SEMA7A: variants seen among roughly 807,000 people sequenced by gnomAD.
SEMA7A encodes semaphorin-7A.
In SEMA7A, 21 loss-of-function variants were observed where a neutral mutation model predicts 67.5. That is an observed-to-expected ratio of 0.31 (90% CI 0.22 to 0.45). SEMA7A has a LOEUF of 0.45. Among genes scored for constraint, SEMA7A ranks in the 20% least tolerant of loss-of-function variants. The pLI is 1.00. For synonymous variants in SEMA7A, 364 were observed against 368.5 expected, an observed-to-expected ratio of 0.99 and a Z score of 0.14; for missense variants, 774 against 908.6, an observed-to-expected ratio of 0.85 and a Z score of 1.90.
rs28362911 is a variant in SEMA7A, at chr15:74,418,511, C to T, written c.331-202G>A. Among the ~76,000 whole-genome samples the T allele has an allele frequency of 6.6e-3, 1,005 of 152,320 alleles. 5 individuals are homozygous for T. The highest frequency in any genetic ancestry group is 0.023 in the African/African-American group (965 of 41,568). On this transcript the variant is annotated intron_variant, in intron 2 of 13. Transcript: ENST00000261918. ...ATCCAGAGCTGAGGCCCAGAGGGTTCAGAAGACCAGGCATGGGCTCTGGGG... is the reference window on the plus strand; with the variant it reads ...ATCCAGAGCTGAGGCCCAGAGGGTTTAGAAGACCAGGCATGGGCTCTGGGG...
chr15:74,426,996 T>A (rs900280292), intron 1 of SEMA7A, among the ~76,000 whole-genome samples: 2 of 152,198 alleles, frequency 1.3e-5, no homozygotes, highest in African/African-American at 4.8e-5. Flanking sequence ...CCATGGCTCA[T>A]TTCCATCTCT....
rs760102 is a variant in SEMA7A at position 74,411,057 on chromosome 15, G to C, written c.1640-72C>G. 2 of 1,539,530 alleles carry C rather than the reference G, an allele frequency of 1.3e-6. No individual in the cohort carries two copies. Among genetic ancestry groups the C allele is most frequent in the Non-Finnish European group, 1.7e-6 (2 of 1,144,946 alleles). ...CCAGGGGAGGATGTGTCCTCCCCACGGACTGGGATCCCAGGACAAGGCTTC... is the reference window on the plus strand; with the variant it reads ...CCAGGGGAGGATGTGTCCTCCCCACCGACTGGGATCCCAGGACAAGGCTTC... On this transcript the variant is annotated intron_variant, in intron 13 of 13. Coordinates refer to ENST00000261918, the MANE Select transcript of SEMA7A (RefSeq NM_003612.5). This position sits in a 1 kb window ranked among gnomAD's most constrained non-coding sequence, Gnocchi z 4.4.
rs1392839432 is a variant in SEMA7A at position 74,414,716 on chromosome 15, T to C, written c.1125A>G (p.Thr375=). 6.2e-7 allele frequency: 1 copy of C among 1,614,150 alleles called. No homozygotes were observed. The highest frequency in any genetic ancestry group is 1.7e-5 in the Admixed American group (1 of 60,022). ...GACGGTCAGCCACCTGGAAGGTCTC[T>C]GTGGGTATCGGCTGCTGGTCTGGGA... The part of the protein sequence containing the change: ...KCLPDQQPIP[T]ETFQVADRHP... The change falls in exon 10 of 14, where the codon ACA becomes ACG. Residue 375 remains threonine (T), a synonymous_variant. Coordinates refer to ENST00000261918, the MANE Select transcript of SEMA7A (RefSeq NM_003612.5). This position sits in a 1 kb window ranked among gnomAD's most constrained non-coding sequence, Gnocchi z 4.1.
Position 74,416,686 on chromosome 15 carries a change from C to T in SEMA7A, c.690G>A (p.Val230=), listed in dbSNP as rs1486970470. 2 of 1,614,004 alleles carry T rather than the reference C, an allele frequency of 1.2e-6. No homozygotes were observed. The highest frequency in any genetic ancestry group is 1.7e-6 in the Non-Finnish European group (2 of 1,180,000). The change falls in exon 7 of 14, where the codon GTG becomes GTA. Residue 230 remains valine, a synonymous_variant. Coordinates refer to ENST00000261918, the MANE Select transcript of SEMA7A (RefSeq NM_003612.5). ...QNPQFIKATI[V]HQDQAYDDKI... ...TGTCATCGTAAGCCTGGTCTTGGTG[C>T]ACGATGGTGGCTTTGATGAACTGTG...
intron 2 of SEMA7A, 32 bp downstream of exon 2, chr15:74,418,769 A>G (rs1567074514): frequency 1.2e-6 from 2 of 1,600,156 alleles, no homozygotes; most frequent in South Asian, 1.1e-5. Flanking sequence ...ATAAGAGGGT[A>G]GGGGGGGTGT....
Position 74,414,546 on chromosome 15 carries a change from C to G in SEMA7A, c.1294+1G>C. On this transcript the variant is annotated splice_donor_variant, in intron 10 of 13. Coordinates refer to ENST00000261918, the MANE Select transcript of SEMA7A (RefSeq NM_003612.5). LOFTEE classifies it high-confidence loss of function. This position sits in a 1 kb window ranked among gnomAD's most constrained non-coding sequence, Gnocchi z 4.1. ...CTGAGGGTCCCGGGGTAGCCTCTCA[C>G]CTGTAGTTAGGTAAAGCACATGAAA... 2 of 1,614,200 alleles carry G rather than the reference C, an allele frequency of 1.2e-6. No homozygotes were observed. Among genetic ancestry groups the G allele is most frequent in the Non-Finnish European group, 1.7e-6 (2 of 1,180,004 alleles).
rs954434634 is a variant in SEMA7A, at chr15:74,414,588, G to A, written c.1253C>T (p.Ala418Val). The A allele has an allele frequency of 1.2e-6, 2 of 1,614,118 alleles. No homozygotes were observed. Among genetic ancestry groups the A allele is most frequent in the Non-Finnish European group, 8.5e-7 (1 of 1,180,060 alleles). Residue 418 changes from alanine (A) to valine (V), a missense_variant, in exon 10 of 14, where the codon GCC becomes GTC. Physicochemically the swap from Ala to Val is moderately conservative, Grantham distance 64. Transcript: ENST00000261918. The surrounding 1 kb of genome is among the most constrained non-coding windows in gnomAD (Gnocchi z 4.1). ...CACATGAAAGGTCTCCCCGTGGCTGGCTTGCATGCGGTGGACGGCCACTTT... is the reference window on the plus strand; with the variant it reads ...CACATGAAAGGTCTCCCCGTGGCTGACTTGCATGCGGTGGACGGCCACTTT... ...YQKVAVHRMQ[A>V]SHGETFHVLY...
intron 1 of SEMA7A, among the ~76,000 whole-genome samples, chr15:74,424,934 C>T (rs1022461071): frequency 6.6e-6 from 1 of 152,198 alleles, no homozygotes; most frequent in African/African-American, 2.4e-5. Flanking sequence ...TGCCCTTGGG[C>T]CCACAGCCAG....
chr15:74,419,411 A>C (rs1483012565), intron 1 of SEMA7A, among the ~76,000 whole-genome samples: 3 of 152,134 alleles, frequency 2.0e-5, no homozygotes, highest in Non-Finnish European at 4.4e-5. Context: ...AGCAGGCAGC[A>C]GGGCCTTCAA....
At chr15:74,420,789 G>C (rs1375122491) in intron 1 of SEMA7A, among the ~76,000 whole-genome samples, 1 of 152,168 alleles carries the variant, frequency 6.6e-6, no homozygotes, top group African/African-American at 2.4e-5. Context: ...GATCCAGACA[G>C]TCTGCCGCCC....
chr15:74,416,211 G>T (rs2141275739), intron 7 of SEMA7A, among the ~76,000 whole-genome samples: 1 of 152,178 alleles, frequency 6.6e-6, no homozygotes, highest in Middle Eastern at 3.4e-3. Context: ...CAGTGCCCAG[G>T]GTCAGGGCAG....
At chr15:74,418,362 GAAAT>G in intron 2 of SEMA7A, 53 bp from the exon 3 acceptor site, 4 of 1,571,770 alleles carry the variant, frequency 2.5e-6, no homozygotes, top group Non-Finnish European at 3.5e-6. Flanking sequence ...AGGTACCCCT[GAAAT>G]GCTTTCCACA....
intron 1 of SEMA7A, among the ~76,000 whole-genome samples, chr15:74,429,454 C>T (rs1358820839): frequency 6.6e-6 from 1 of 152,256 alleles, no homozygotes; most frequent in African/African-American, 2.4e-5. Flanking sequence ...CCTTCCATCT[C>T]TGCAGAGGAA....
intron 2 of SEMA7A, 90 bp downstream of exon 2, chr15:74,418,711 C>G: frequency 6.9e-7 from 1 of 1,459,664 alleles, no homozygotes; most frequent in Non-Finnish European, 9.3e-7. Context: ...GGAAGAGAAG[C>G]CAGCTCCCTC....
chr15:74,415,882 C>A lies in SEMA7A; in HGVS notation c.905G>T (p.Arg302Met), dbSNP rs200710879. The change falls in exon 8 of 14, where the codon AGG becomes ATG. Residue 302 changes from arginine to methionine, a missense_variant. By Grantham distance (91) the Arg-to-Met change is moderately conservative. Around this residue, in one of 2 missense-constraint regions of SEMA7A, gnomAD observed 427 missense variants for 555.4 expected, o/e 0.77. Transcript: ENST00000261918. ...SDAATNKNFN[R>M]LQDVFLLPDP... ...AGGGAGCAGGAAGACGTCTTGCAGC[C>A]TGTTGAAGTTCTTGTTGGTGGCAGC... 13 of 1,614,142 alleles carry A rather than the reference C, an allele frequency of 8.1e-6. No homozygotes were observed. The South Asian group carries it at 1.4e-4, about 18-fold the overall frequency.
Position 74,410,339 on chromosome 15 carries a change from T to G in SEMA7A, c.*285A>C. The G allele has an allele frequency of 4.7e-6, 2 of 429,504 alleles. No individual in the cohort carries two copies. Among genetic ancestry groups the G allele is most frequent in the East Asian group, 3.8e-5 (1 of 26,628 alleles). 26.6% of individuals were successfully genotyped at this position (429,504 alleles called of 1,614,324 possible). ...GGAGCATCGCTGCATTTAGTCAAGT[T>G]TGAGGAGTCTGAAAAATATTTTCCA... is the stretch of plus-strand genomic sequence containing the variant. On this transcript the variant is annotated 3_prime_UTR_variant, in exon 14 of 14. Coordinates refer to ENST00000261918, the MANE Select transcript of SEMA7A (RefSeq NM_003612.5). The surrounding 1 kb of genome is among the most constrained non-coding windows in gnomAD (Gnocchi z 7.5).
chr15:74,426,386 GA>G (rs985708202), intron 1 of SEMA7A, among the ~76,000 whole-genome samples: 20 of 152,172 alleles, frequency 1.3e-4, no homozygotes, highest in African/African-American at 4.8e-4. Flanking sequence ...CATGCTCCCT[GA>G]CCTCCACCTG....
In SEMA7A at chr15:74,417,425, T is replaced by G. The variant is rs1486939018; in HGVS notation, c.571A>C (p.Ile191Leu). Residue 191 changes from isoleucine to leucine, a missense_variant, in exon 6 of 14, where the codon ATC (isoleucine) becomes CTC (leucine). Ile to Leu is a conservative substitution (Grantham distance 5, BLOSUM62 2). Transcript: ENST00000261918. Reference sequence around the variant, plus strand: ...TTCCCATTGTATTCCTGCTTCCGGATGGTGGAATACACCTCGTCCCCTGGG... The same window carrying G: ...TTCCCATTGTATTCCTGCTTCCGGAGGGTGGAATACACCTCGTCCCCTGGG... ...LFEGDEVYST[I>L]RKQEYNGKIP... 2 of 1,613,910 alleles carry G rather than the reference T, an allele frequency of 1.2e-6. No homozygotes were observed. Among genetic ancestry groups the G allele is most frequent in the South Asian group, 2.2e-5 (2 of 91,076 alleles).
At position 74,417,319 on chromosome 15, in the gene SEMA7A, C is replaced by G; in HGVS notation, c.661+16G>C. 1 of 1,605,642 alleles carries G rather than the reference C, an allele frequency of 6.2e-7. No homozygotes were observed. The highest frequency in any genetic ancestry group is 1.1e-5 in the South Asian group (1 of 90,918). ...ACCCCCTTGCCCACCCTCAGCCCAG[C>G]CGGAGCCTGACTCACTCTGCATGAC... is the stretch of plus-strand genomic sequence containing the variant. On this transcript the variant is annotated intron_variant, in intron 6 of 13. Coordinates refer to ENST00000261918, the MANE Select transcript of SEMA7A (RefSeq NM_003612.5).
Sources: allele counts gnomAD v4.1 joint callset (sites outside exome capture counted in the v4.1 genomes callset), GRCh38; gene constraint gnomAD v4.1.1; regional missense constraint gnomAD v4.1.1; non-coding constraint Gnocchi (gnomAD v3.1); transcripts MANE v1.5; gene names NCBI Gene and HGNC (gene_info 2026-07-23, HGNC 2026-07-21).